SETX: variants seen among roughly 807,000 people sequenced by gnomAD.
The protein encoded by SETX is helicase senataxin.
Under a neutral mutation model 227.2 loss-of-function variants are expected in SETX, and 90 were observed. The observed-to-expected ratio is 0.40, with a 90% CI of 0.33 to 0.47. SETX has a LOEUF of 0.47. Ranked by LOEUF, SETX falls within the 20% of genes least tolerant of loss-of-function variation. The pLI, the probability that SETX is intolerant of heterozygous loss-of-function variation, is 0.91. For missense variants in SETX, 3,052 were observed against 3,181.5 expected, an observed-to-expected ratio of 0.96 and a Z score of 0.98; for synonymous variants, 1,210 against 1,113.2, an observed-to-expected ratio of 1.09 and a Z score of -1.73.
chr9:132,356,495 C>T (rs1848919309), upstream of SETX, among the ~76,000 whole-genome samples: 1 of 152,308 alleles, frequency 6.6e-6, no homozygotes, highest in East Asian at 1.9e-4. Context: ...ATCCACCGCA[C>T]CCGGCCCCTA....
chr9:132,290,259 C>T (rs995943501), intron 15 of SETX, among the ~76,000 whole-genome samples: 1 of 151,098 alleles, frequency 6.6e-6, no homozygotes, highest in South Asian at 2.1e-4. Context: ...TTTTTTCCCA[C>T]GTGTTATTAT....
chr9:132,300,507 C>G, intron 12 of SETX, 123 bp downstream of exon 12: 1 of 1,071,166 alleles, frequency 9.3e-7, no homozygotes, highest in Non-Finnish European at 1.4e-6. Flanking sequence ...GCCATGTAAT[C>G]AACATAGCAA....
intron 9 of SETX, 107 bp from the exon 10 acceptor site, chr9:132,330,606 T>C (rs1847161628): frequency 1.1e-6 from 1 of 910,646 alleles, no homozygotes; most frequent in African/African-American, 1.6e-5. Context: ...TTATTTTGGT[T>C]TACCACATCA....
intron 7 of SETX, among the ~76,000 whole-genome samples, chr9:132,333,400 A>ATATAT (rs1307013195): frequency 4.0e-4 from 33 of 82,262 alleles, no homozygotes; most frequent in African/African-American, 2.0e-3. Flanking sequence ...AAAAAAAAGA[A>ATATAT]AAAAAAAAAT....
Position 132,314,171 on chromosome 9 carries a change from C to T in SETX, c.5275-2315G>A, listed in dbSNP as rs563518205. Among the ~76,000 whole-genome samples, 30 of 152,340 alleles carry T rather than the reference C, an allele frequency of 2.0e-4. No individual in the cohort carries two copies. The South Asian group carries it at 6.2e-3, about 32-fold the overall frequency. On this transcript the variant is annotated intron_variant, in intron 10 of 25. Transcript: ENST00000224140. The stretch of plus-strand genomic sequence containing the variant: ...GCAATGGTGCGATCTCGGCTCACCA[C>T]AACCTCCACCTCCCAGGTTCAAGTG...
intron 25 of SETX, among the ~76,000 whole-genome samples, chr9:132,269,142 G>T (rs545576625): frequency 1.3e-5 from 2 of 152,354 alleles, no homozygotes; most frequent in South Asian, 4.1e-4. Context: ...CCAGAGGGGC[G>T]CCTGTCCTGG....
intron 23 of SETX, among the ~76,000 whole-genome samples, chr9:132,273,795 CCTTA>C (rs1430471321): frequency 6.6e-6 from 1 of 151,806 alleles, no homozygotes; most frequent in Non-Finnish European, 1.5e-5. Context: ...TATTTATTTT[CCTTA>C]CTTAACTGCT....
upstream of SETX, among the ~76,000 whole-genome samples, chr9:132,355,561 C>CG (rs1848867100): frequency 6.6e-6 from 1 of 151,826 alleles, no homozygotes; most frequent in Non-Finnish European, 1.5e-5. Context: ...AAATCCCTCG[C>CG]TGGTGCGGTG....
rs551612427 is a variant in SETX at position 132,325,703 on chromosome 9, G to A, written c.5274+621C>T. On this transcript the variant is annotated intron_variant, in intron 10 of 25. Coordinates refer to ENST00000224140, the MANE Select transcript of SETX (RefSeq NM_015046.7). ...GCACTTTGGGAGGCCGAGGCTGGTG[G>A]ATCACCTGAGGTCAGAATCAGAAGT... Among the ~76,000 whole-genome samples, 348 of 152,146 alleles carry A rather than the reference G, an allele frequency of 2.3e-3. 2 individuals are homozygous for A. Among genetic ancestry groups the A allele is most frequent in the Non-Finnish European group, 3.6e-3 (245 of 68,014 alleles).
Position 132,288,363 on chromosome 9 carries a change from A to C in SETX, c.6209-12T>G, listed in dbSNP as rs1844055068. On this transcript the variant is annotated splice_polypyrimidine_tract_variant and intron_variant, in intron 16 of 25. Transcript: ENST00000224140. The stretch of plus-strand genomic sequence containing the variant: ...AGGTAACTCTTTTTCTAATAAAAAT[A>C]ACAAATAAAAAATTATATGCTATTC... 6 of 1,580,542 alleles carry C rather than the reference A, an allele frequency of 3.8e-6. No homozygotes were observed. The highest frequency in any genetic ancestry group is 5.2e-6 in the Non-Finnish European group (6 of 1,153,474).
chr9:132,264,676 G>T lies in SETX; in HGVS notation c.7597C>A (p.His2533Asn). The T allele has an allele frequency of 6.2e-7, 1 of 1,614,228 alleles. No homozygotes were observed. Among genetic ancestry groups the T allele is most frequent in the South Asian group, 1.1e-5 (1 of 91,080 alleles). The change falls in exon 26 of 26, where the codon CAT becomes AAT. Residue 2533 changes from histidine to asparagine, a missense_variant. His to Asn is a moderately conservative substitution (Grantham distance 68). Around this residue, in one of 10 missense-constraint regions of SETX, gnomAD observed 294 missense variants for 278.8 expected, o/e 1.05. Coordinates refer to ENST00000224140, the MANE Select transcript of SETX (RefSeq NM_015046.7). Reference sequence around the variant, plus strand: ...AGTCGTGGGTCCTGAAGTTGGTCATGAACAGGAGGTCTTTCAGGGTCCTTT... The same window carrying T: ...AGTCGTGGGTCCTGAAGTTGGTCATTAACAGGAGGTCTTTCAGGGTCCTTT... ...TSKDPERPPV[H>N]DQLQDPRLLK...
At position 132,349,242 on chromosome 9, in the gene SETX, T is replaced by C; in HGVS notation, c.177+10A>G. On this transcript the variant is annotated intron_variant, in intron 3 of 25. Coordinates refer to ENST00000224140, the MANE Select transcript of SETX (RefSeq NM_015046.7). ...GCTCTGAAAAATATTGCCCATCTAATATATTTTACCTCATGCAAGAATGGC... is the reference window on the plus strand; with the variant it reads ...GCTCTGAAAAATATTGCCCATCTAACATATTTTACCTCATGCAAGAATGGC... The C allele has an allele frequency of 1.2e-6, 2 of 1,613,142 alleles. No individual in the cohort carries two copies. The highest frequency in any genetic ancestry group is 1.7e-6 in the Non-Finnish European group (2 of 1,179,508).
chr9:132,272,938 A>T (rs1842970143), intron 23 of SETX, among the ~76,000 whole-genome samples: 1 of 152,106 alleles, frequency 6.6e-6, no homozygotes, highest in Admixed American at 6.5e-5. Flanking sequence ...TTTTTACAGA[A>T]ATGGTCACGC....
At chr9:132,353,114 G>A (rs913694691) in intron 2 of SETX, among the ~76,000 whole-genome samples, 8 of 152,110 alleles carry the variant, frequency 5.3e-5, no homozygotes, top group East Asian at 1.9e-4. Flanking sequence ...ACTGGACTTC[G>A]AAAGCACAAA....
intron 4 of SETX, among the ~76,000 whole-genome samples, chr9:132,344,650 G>A (rs1848186827): frequency 1.3e-5 from 2 of 152,126 alleles, no homozygotes; most frequent in South Asian, 2.1e-4. Flanking sequence ...CGAGGTGGGC[G>A]GATCACTTGA....
At chr9:132,304,393 C>T (rs1845200862) in intron 11 of SETX, among the ~76,000 whole-genome samples, 1 of 151,850 alleles carries the variant, frequency 6.6e-6, no homozygotes. Context: ...GTGGAACAAA[C>T]TCTGGACTTC....
chr9:132,354,767 G>GGA (rs1848817053), intron 1 of SETX, 150 bp downstream of exon 1: 1 of 151,534 alleles, frequency 6.6e-6, no homozygotes, highest in Non-Finnish European at 1.5e-5. Flanking sequence ...CCGCACCGAG[G>GGA]GAAGCGGCCG....
intron 15 of SETX, among the ~76,000 whole-genome samples, chr9:132,294,018 C>T (rs1264440759): frequency 2.0e-5 from 3 of 151,782 alleles, no homozygotes; most frequent in Non-Finnish European, 4.4e-5. Flanking sequence ...GGTGAGACTC[C>T]GTCTCAAAAA....
In SETX at chr9:132,328,129, C is replaced by T. The variant is rs748505684; in HGVS notation, c.3469G>A (p.Val1157Ile). Reference protein sequence around the residue: ...ISVEEFCEIEVKKPKRKRSEK... With the variant: ...ISVEEFCEIEIKKPKRKRSEK... Reference sequence around the variant, plus strand: ...GATCGTTTTCTCTTAGGCTTTTTTACTTCAATTTCACAAAATTCTTCAACA... The same window carrying T: ...GATCGTTTTCTCTTAGGCTTTTTTATTTCAATTTCACAAAATTCTTCAACA... The change falls in exon 10 of 26, where the codon GTA becomes ATA. Residue 1157 changes from valine (V) to isoleucine (I), a missense_variant. Physicochemically the swap from Val to Ile is conservative, Grantham distance 29. Around this residue, in one of 10 missense-constraint regions of SETX, gnomAD observed 1,483 missense variants for 1,312.0 expected, o/e 1.13. Transcript: ENST00000224140. 2 of 1,613,984 alleles carry T rather than the reference C, an allele frequency of 1.2e-6. No homozygotes were observed. Among genetic ancestry groups the T allele is most frequent in the East Asian group, 2.2e-5 (1 of 44,874 alleles).
Sources: gnomAD v4.1 joint callset for allele counts (sites outside exome capture counted in the v4.1 genomes callset) on GRCh38, gnomAD v4.1.1 for gene constraint, gnomAD v4.1.1 regional missense constraint, MANE v1.5 for transcripts, NCBI Gene and HGNC (gene_info 2026-07-23, HGNC 2026-07-21) for gene names.